The following SPEG variants were observed in gnomAD, a reference collection of about 807,000 sequenced individuals.
SPEG encodes striated muscle enriched protein kinase, also known as striated muscle preferentially expressed protein kinase.
SPEG carries 114 observed loss-of-function variants against 300.4 expected under a neutral mutation model. That is an observed-to-expected ratio of 0.38 (90% CI 0.33 to 0.44). SPEG has a LOEUF of 0.44. SPEG is among the 20% of genes least tolerant of loss of function. SPEG has a pLI of 1.00. For synonymous variants in SPEG, 1,964 were observed against 2,018.9 expected, an observed-to-expected ratio of 0.97 and a Z score of 0.73; for missense variants, 4,201 against 4,586.2, an observed-to-expected ratio of 0.92 and a Z score of 2.43.
chr2:219,435,488 G>A, intron 1 of SPEG, 123 bp downstream of exon 1: 1 of 1,118,230 alleles, frequency 8.9e-7, no homozygotes, highest in East Asian at 3.2e-5. Flanking sequence ...CAGGTGCCCT[G>A]GCTTCTCGGC....
intron 31 of SPEG, among the ~76,000 whole-genome samples, chr2:219,486,086 G>A (rs567346249): frequency 7.2e-5 from 11 of 152,324 alleles, no homozygotes; most frequent in East Asian, 5.8e-4. Flanking sequence ...CTGCAGCTCC[G>A]AACACCTGAC....
chr2:219,472,151 C>A, intron 14 of SPEG, 76 bp from the exon 15 acceptor site: 1 of 1,554,984 alleles, frequency 6.4e-7, no homozygotes, highest in Admixed American at 1.7e-5. Context: ...GCCCTAGCCT[C>A]CTGCCCTGAG....
chr2:219,466,397 C>T, intron 9 of SPEG: 1 of 1,346,942 alleles, frequency 7.4e-7, no homozygotes, highest in Non-Finnish European at 9.5e-7. Flanking sequence ...TGTGCTACTG[C>T]TGCTACAGGC....
Position 219,468,611 on chromosome 2 carries a change from G to T in SPEG, c.3176G>T (p.Arg1059Leu). The change falls in exon 11 of 41, where the codon CGG becomes CTG. Residue 1059 changes from arginine (R) to leucine (L), a missense_variant. Physicochemically the swap from Arg to Leu is moderately radical, Grantham distance 102. Around this residue, in one of 4 missense-constraint regions of SPEG, gnomAD observed 1,047 missense variants for 1,356.8 expected, o/e 0.77. Transcript: ENST00000312358. ...ACCTGCAGTGCCCGGCTGACCGTGCGGCCCTCGTTGGCACCCCTGTTCACA... is the reference window on the plus strand; with the variant it reads ...ACCTGCAGTGCCCGGCTGACCGTGCTGCCCTCGTTGGCACCCCTGTTCACA... ...ELTCSARLTV[R>L]PSLAPLFTRL... is the part of the protein sequence containing the mutation. The T allele has an allele frequency of 6.2e-7, 1 of 1,613,672 alleles. No individual in the cohort carries two copies.
Position 219,473,060 on chromosome 2 carries a change from T to A in SPEG, c.4111T>A (p.Ser1371Thr). ...STTVKSSSKP[S>T]PPSEPVQLLE... Reference sequence around the variant, plus strand: ...CACTGTCAAGAGCAGCAGCAAGCCCTCACCCCCTTCTGAGCCTGTGCAGCT... The same window carrying A: ...CACTGTCAAGAGCAGCAGCAAGCCCACACCCCCTTCTGAGCCTGTGCAGCT... Residue 1371 changes from serine (S) to threonine (T), a missense_variant, in exon 16 of 41, where the codon TCA (serine) becomes ACA (threonine). Around this residue, in one of 4 missense-constraint regions of SPEG, gnomAD observed 1,047 missense variants for 1,356.8 expected, o/e 0.77. Transcript: ENST00000312358. The surrounding 1 kb of genome is among the most constrained non-coding windows in gnomAD (Gnocchi z 4.6). The A allele has an allele frequency of 6.2e-7, 1 of 1,613,892 alleles. No homozygotes were observed.
In SPEG at chr2:219,448,090, C is replaced by T. The variant is rs1377811321; in HGVS notation, c.932C>T (p.Pro311Leu). The stretch of plus-strand genomic sequence containing the variant: ...CCTTCCAAATCCGCGCTGCTCCCCC[C>T]ACCGTCCCCTCGGGTCGGGAAGCGG... The part of the protein sequence containing the change: ...PPPSKSALLP[P>L]PSPRVGKRSP... Residue 311 changes from proline (P) to leucine (L), a missense_variant, in exon 4 of 41, where the codon CCA becomes CTA. Coordinates refer to ENST00000312358, the MANE Select transcript of SPEG (RefSeq NM_005876.5). 1 of 1,606,266 alleles carries T rather than the reference C, an allele frequency of 6.2e-7. No homozygotes were observed. The highest frequency in any genetic ancestry group is 1.3e-5 in the African/African-American group (1 of 74,742).
At chr2:219,447,904 T>C in intron 3 of SPEG, 70 bp from the exon 4 acceptor site, 1 of 1,449,358 alleles carries the variant, frequency 6.9e-7, no homozygotes. Flanking sequence ...ACCCAATTCC[T>C]GTCACAAGCT....
chr2:219,472,297 A>G lies in SPEG; in HGVS notation c.3906A>G (p.Thr1302=). The G allele has an allele frequency of 6.2e-7, 1 of 1,613,770 alleles. No individual in the cohort carries two copies. The part of the protein sequence containing the change: ...VAVTGRMVTL[T]WNPPRSLDMA... ...TGACGGGGAGGATGGTCACACTCAC[A>G]TGGAACCCCCCCAGGAGTCTGGACA... Residue 1302 remains threonine (T), a synonymous_variant, in exon 15 of 41, where the codon ACA becomes ACG. Coordinates refer to ENST00000312358, the MANE Select transcript of SPEG (RefSeq NM_005876.5).
At position 219,477,007 on chromosome 2, in the gene SPEG, C is replaced by A; in HGVS notation, c.4560+25C>A. 1 of 1,544,740 alleles carries A rather than the reference C, an allele frequency of 6.5e-7. No homozygotes were observed. The highest frequency in any genetic ancestry group is 8.8e-7 in the Non-Finnish European group (1 of 1,132,786). ...GGTCAGAGTGTGCTGCTGGCTGAGC[C>A]TGGGGGAGGGAGGAGGGGCTCCCTG... On this transcript the variant is annotated intron_variant, in intron 19 of 40. Coordinates refer to ENST00000312358, the MANE Select transcript of SPEG (RefSeq NM_005876.5). The surrounding 1 kb of genome is among the most constrained non-coding windows in gnomAD (Gnocchi z 6.4).
In SPEG at chr2:219,482,816, T is replaced by A. The variant is rs933657943; in HGVS notation, c.5598T>A (p.Asp1866Glu). The stretch of plus-strand genomic sequence containing the variant: ...CAAAGGGCGCAGAGGTGAGCACGGA[T>A]CACCTGAAGCTATTCCTCTCCCGGC... ...TQAKGAEVST[D>E]HLKLFLSRRR... The change falls in exon 29 of 41, where the codon GAT (aspartate) becomes GAA (glutamate). Residue 1866 changes from aspartate to glutamate, a missense_variant. Transcript: ENST00000312358. 8.7e-6 allele frequency: 14 copies of A among 1,613,784 alleles called. No homozygotes were observed. The highest frequency in any genetic ancestry group is 1.2e-5 in the Non-Finnish European group (14 of 1,179,972).
chr2:219,492,215 A>C lies in SPEG; in HGVS notation c.9566A>C (p.Gln3189Pro). ...TTCCAGCTGTACCCCAATACATCCC[A>C]GAGCGCCACCCTCTTCTTGCGAAAG... ...DAFQLYPNTSQSATLFLRKVL... is the reference protein window; with the variant it reads ...DAFQLYPNTSPSATLFLRKVL... The change falls in exon 40 of 41, where the codon CAG becomes CCG. Residue 3189 changes from glutamine (Q) to proline (P), a missense_variant. Gln to Pro is a moderately conservative substitution (Grantham distance 76, BLOSUM62 -1). This residue lies in a region of SPEG where 318 missense variants were observed against 429.5 expected (regional missense o/e 0.74). Coordinates refer to ENST00000312358, the MANE Select transcript of SPEG (RefSeq NM_005876.5). 6.2e-7 allele frequency: 1 copy of C among 1,613,722 alleles called. No homozygotes were observed. Among genetic ancestry groups the C allele is most frequent in the Non-Finnish European group, 8.5e-7 (1 of 1,179,900 alleles).
Position 219,492,932 on chromosome 2 carries a change from C to A in SPEG, c.*146C>A, listed in dbSNP as rs1356204924. The A allele has an allele frequency of 5.7e-6, 5 of 883,236 alleles. No homozygotes were observed. The highest frequency in any genetic ancestry group is 2.8e-5 in the South Asian group (2 of 70,460). The allele number at this position is 883,236 out of a possible 1,614,324, so 54.7% of individuals were successfully genotyped here. ...TCTGGCTGGGCTCTTACCTCATAGA[C>A]CTTCAAGGACAGAGACCCCAGGGCC... On this transcript the variant is annotated 3_prime_UTR_variant, in exon 41 of 41. Transcript: ENST00000312358.
chr2:219,483,969 C>A lies in SPEG; in HGVS notation c.6506C>A (p.Ala2169Asp). 6.2e-7 allele frequency: 1 copy of A among 1,609,506 alleles called. No homozygotes were observed. Among genetic ancestry groups the A allele is most frequent in the Non-Finnish European group, 8.5e-7 (1 of 1,179,876 alleles). The change falls in exon 30 of 41, where the codon GCC (alanine) becomes GAC (aspartate). Residue 2169 changes from alanine (A) to aspartate (D), a missense_variant. Coordinates refer to ENST00000312358, the MANE Select transcript of SPEG (RefSeq NM_005876.5). ...CTACAGGAGTCTCCTTCCCTGTCTGCCCTCAGCGAGGCCCAGCCATCCAGC... is the reference window on the plus strand; with the variant it reads ...CTACAGGAGTCTCCTTCCCTGTCTGACCTCAGCGAGGCCCAGCCATCCAGC... ...RRLQESPSLS[A>D]LSEAQPSSPA...
At position 219,488,271 on chromosome 2, in the gene SPEG, C is replaced by G. The variant is rs199536569; in HGVS notation, c.7819C>G (p.Pro2607Ala). ...GGAGGCAGCCACCCTGCTCTGCCTG[C>G]CAGCGGCCTGCCCTGCACCGCACAT... ...EGEAATLLCL[P>A]AACPAPHISW... Residue 2607 changes from proline (P) to alanine (A), a missense_variant, in exon 32 of 41, where the codon CCA becomes GCA. By Grantham distance (27) the Pro-to-Ala change is conservative. Coordinates refer to ENST00000312358, the MANE Select transcript of SPEG (RefSeq NM_005876.5). The G allele has an allele frequency of 3.1e-6, 5 of 1,613,384 alleles. No homozygotes were observed. Among genetic ancestry groups the G allele is most frequent in the Non-Finnish European group, 4.2e-6 (5 of 1,179,740 alleles).
intron 4 of SPEG, 187 bp from the exon 5 acceptor site, chr2:219,450,949 C>T: frequency 1.7e-6 from 1 of 591,320 alleles, no homozygotes; most frequent in Non-Finnish European, 2.9e-6. Context: ...CGAGAATGCT[C>T]CTTCTGACTT....
chr2:219,449,660 A>G (rs1236763194), intron 4 of SPEG, among the ~76,000 whole-genome samples: 1 of 152,144 alleles, frequency 6.6e-6, no homozygotes, highest in Non-Finnish European at 1.5e-5. Flanking sequence ...CCATACCCCC[A>G]ATCCCTCTGT....
In SPEG at chr2:219,488,394, G is replaced by C. The variant is rs1693638373; in HGVS notation, c.7858+84G>C. 5 of 1,499,624 alleles carry C rather than the reference G, an allele frequency of 3.3e-6. No individual in the cohort carries two copies. In the African/African-American group the frequency reaches 5.5e-5, roughly 17 times the overall value. The allele number at this position is 1,499,624 out of a possible 1,614,324, so 92.9% of individuals were successfully genotyped here. A position where few individuals can be genotyped will look rare whatever the true frequency, so the allele number is the denominator to read the frequency against. On this transcript the variant is annotated intron_variant, in intron 32 of 40. Coordinates refer to ENST00000312358, the MANE Select transcript of SPEG (RefSeq NM_005876.5). ...GATGGGAGGGGCTAGGCCGGAGTGG[G>C]GACTGAGCACGGTTAGGGGGGATGC...
Position 219,482,870 on chromosome 2 carries a change from G to T in SPEG, c.5634+18G>T. 6.2e-7 allele frequency: 1 copy of T among 1,611,648 alleles called. No individual in the cohort carries two copies. The highest frequency in any genetic ancestry group is 8.5e-7 in the Non-Finnish European group (1 of 1,178,144). On this transcript the variant is annotated intron_variant, in intron 29 of 40. Coordinates refer to ENST00000312358, the MANE Select transcript of SPEG (RefSeq NM_005876.5). ...GGTGGCAGGTAAGTGTGGCAGGCCA[G>T]CCTCTGTGCTTTCCACCTTCTCCTT...
Position 219,485,084 on chromosome 2 carries a change from C to G in SPEG, c.7609+12C>G. 6.5e-7 allele frequency: 1 copy of G among 1,530,518 alleles called. No individual in the cohort carries two copies. The highest frequency in any genetic ancestry group is 2.0e-5 in the Admixed American group (1 of 50,758). The allele number at this position is 1,530,518 out of a possible 1,614,324, so 94.8% of individuals were successfully genotyped here. A position where few individuals can be genotyped will look rare whatever the true frequency, so the allele number is the denominator to read the frequency against. On this transcript the variant is annotated intron_variant, in intron 30 of 40. Transcript: ENST00000312358. ...GTCGGGCTCCTCAGGTGAGGAGGGG[C>G]AGGGGTAGGGCAGCAGGTGCAGAGG...
Sources: allele counts gnomAD v4.1 joint callset (sites outside exome capture counted in the v4.1 genomes callset), GRCh38; gene constraint gnomAD v4.1.1; regional missense constraint gnomAD v4.1.1; non-coding constraint Gnocchi (gnomAD v3.1); transcripts MANE v1.5; gene names NCBI Gene and HGNC (gene_info 2026-07-23, HGNC 2026-07-21).